Variants in CARMIL1 observed in about 807,000 individuals in gnomAD.
CARMIL1 encodes the protein F-actin-uncapping protein LRRC16A.
In CARMIL1, 90 loss-of-function variants were observed where a neutral mutation model predicts 177.1. The ratio of observed to expected loss-of-function variants is 0.51; its 90% CI spans 0.43 to 0.61. The LOEUF (loss-of-function observed/expected upper bound fraction) is 0.61. CARMIL1 is among the 20% of genes least tolerant of loss of function. The pLI is 0.00. For synonymous variants in CARMIL1, 577 were observed against 606.2 expected (o/e 0.95, Z 0.71); for missense variants, 1,380 against 1,667.0 (o/e 0.83, Z 3.00).
intron 9 of CARMIL1, among the ~76,000 whole-genome samples, chr6:25,466,892 T>A (rs1425038870): frequency 6.6e-6 from 1 of 152,086 alleles, no homozygotes; most frequent in Non-Finnish European, 1.5e-5. Context: ...GAAACCTGGA[T>A]TTCAGATTTT....
chr6:25,281,136 G>GCACACACACACACACA (rs1554148590), intron 1 of CARMIL1, among the ~76,000 whole-genome samples: 2 of 132,102 alleles, frequency 1.5e-5, no homozygotes, highest in African/African-American at 5.9e-5. Context: ...GTGCGCGCGC[G>GCACACACACACACACA]CACACACACA....
chr6:25,471,764 G>A (rs1473172013), intron 10 of CARMIL1, among the ~76,000 whole-genome samples: 1 of 152,076 alleles, frequency 6.6e-6, no homozygotes, highest in African/African-American at 2.4e-5. Flanking sequence ...GCTTTGATCA[G>A]TTTTAGTCAT....
At chr6:25,447,982 G>C (rs1357431926) in intron 5 of CARMIL1, among the ~76,000 whole-genome samples, 1 of 152,030 alleles carries the variant, frequency 6.6e-6, no homozygotes, top group Non-Finnish European at 1.5e-5. Flanking sequence ...CAAGCCAGCT[G>C]CCCACCTCTC....
At chr6:25,378,726 T>A (rs1348373989) in intron 2 of CARMIL1, among the ~76,000 whole-genome samples, 1 of 151,992 alleles carries the variant, frequency 6.6e-6, no homozygotes, top group Non-Finnish European at 1.5e-5. Context: ...TAGTTTATCC[T>A]CCTCTCACAC....
rs531246519 is a variant in CARMIL1, at chr6:25,307,206, G to A, written c.138+22297G>A. Among the ~76,000 whole-genome samples the A allele has an allele frequency of 3.3e-5, 5 of 152,334 alleles. No homozygotes were observed. In the South Asian group the frequency reaches 8.3e-4, roughly 25 times the overall value. On this transcript the variant is annotated intron_variant, in intron 2 of 36. Coordinates refer to ENST00000329474, the MANE Select transcript of CARMIL1 (RefSeq NM_017640.6). The stretch of plus-strand genomic sequence containing the variant: ...GCCCTGGTCCTTTTGAAACTGGGCA[G>A]TAATACCTGTGCTTGTAAGAGTGTT...
chr6:25,565,657 C>A (rs1454201365), intron 29 of CARMIL1, among the ~76,000 whole-genome samples: 1 of 152,084 alleles, frequency 6.6e-6, no homozygotes, highest in African/African-American at 2.4e-5. Flanking sequence ...CCATCCTGGT[C>A]AACATGGTGA....
intron 2 of CARMIL1, among the ~76,000 whole-genome samples, chr6:25,350,406 TAAATC>T (rs954826855): frequency 1.5e-4 from 23 of 152,174 alleles, no homozygotes; most frequent in Non-Finnish European, 3.2e-4. Context: ...CTTATTTTGA[TAAATC>T]AGATGACCTG....
intron 15 of CARMIL1, among the ~76,000 whole-genome samples, 193 bp from the exon 16 acceptor site, chr6:25,494,918 T>C (rs1273743281): frequency 6.6e-6 from 1 of 152,246 alleles, no homozygotes; most frequent in Non-Finnish European, 1.5e-5. Flanking sequence ...TAAATATTTC[T>C]TTACCTCACT....
intron 2 of CARMIL1, among the ~76,000 whole-genome samples, chr6:25,349,752 T>TG (rs1787921688): frequency 7.6e-6 from 1 of 132,034 alleles, no homozygotes; most frequent in Non-Finnish European, 1.6e-5. Flanking sequence ...TTTTTTGAGA[T>TG]GGAGTCTTGT....
At position 25,500,170 on chromosome 6, in the gene CARMIL1, C is replaced by G; in HGVS notation, c.1330C>G (p.Leu444Val). 6.2e-7 allele frequency: 1 copy of G among 1,613,834 alleles called. No individual in the cohort carries two copies. Among genetic ancestry groups the G allele is most frequent in the Non-Finnish European group, 8.5e-7 (1 of 1,179,802 alleles). The change falls in exon 17 of 37, where the codon CTG (leucine) becomes GTG (valine). Residue 444 changes from leucine (L) to valine (V), a missense_variant. By Grantham distance (32) the Leu-to-Val change is conservative. Transcript: ENST00000329474. Reference sequence around the variant, plus strand: ...ATGTGTGTTTCCTCCCCTCAGAGCACTGTTATTGGGCCTGGCTTGTAATCA... The same window carrying G: ...ATGTGTGTTTCCTCCCCTCAGAGCAGTGTTATTGGGCCTGGCTTGTAATCA... ...TKLSPEPLKA[L>V]LLGLACNHNL...
At chr6:25,422,630 A>G (rs1240170544) in intron 3 of CARMIL1, among the ~76,000 whole-genome samples, 3 of 152,232 alleles carry the variant, frequency 2.0e-5, no homozygotes, top group Non-Finnish European at 4.4e-5. Context: ...TATACGTTAA[A>G]ATACCTGAAG....
At chr6:25,324,098 A>T (rs1784888584) in intron 2 of CARMIL1, among the ~76,000 whole-genome samples, 1 of 152,250 alleles carries the variant, frequency 6.6e-6, no homozygotes, top group Non-Finnish European at 1.5e-5. Context: ...GGTAATCATG[A>T]ATTGTGGGAG....
intron 1 of CARMIL1, 85 bp downstream of exon 1, chr6:25,279,920 G>A (rs932950606): frequency 6.6e-7 from 1 of 1,510,850 alleles, no homozygotes; most frequent in East Asian, 2.3e-5. Flanking sequence ...CTTTCCCGCA[G>A]GTCTCGAGAA....
At chr6:25,478,132 C>T (rs1801749956) in intron 11 of CARMIL1, among the ~76,000 whole-genome samples, 1 of 152,152 alleles carries the variant, frequency 6.6e-6, no homozygotes, top group Admixed American at 6.5e-5. Flanking sequence ...AGAATCCTAG[C>T]TCTAGTGTTT....
intron 2 of CARMIL1, among the ~76,000 whole-genome samples, chr6:25,367,279 G>C (rs751290224): frequency 6.6e-6 from 1 of 152,118 alleles, no homozygotes; most frequent in African/African-American, 2.4e-5. Context: ...AGAATTCTGA[G>C]GGTATCCCTA....
In CARMIL1 at chr6:25,577,818, T is replaced by G. The variant is rs1282946651; in HGVS notation, c.2743-3106T>G. Among the ~76,000 whole-genome samples, 1 of 152,114 alleles carries G rather than the reference T, an allele frequency of 6.6e-6. No homozygotes were observed. Among genetic ancestry groups the G allele is most frequent in the Non-Finnish European group, 1.5e-5 (1 of 68,012 alleles). ...TCAGAGTAATGTAGGCATTGATGCT[T>G]TTGGATTCTCAGAAAATAGAGTTGT... is the stretch of plus-strand genomic sequence containing the variant. On this transcript the variant is annotated intron_variant, in intron 29 of 36. Transcript: ENST00000329474. This position sits in a 1 kb window ranked among gnomAD's most constrained non-coding sequence, Gnocchi z 4.5.
At chr6:25,362,991 C>T (rs1213593177) in intron 2 of CARMIL1, among the ~76,000 whole-genome samples, 4 of 152,042 alleles carry the variant, frequency 2.6e-5, no homozygotes, top group Admixed American at 2.0e-4. Context: ...GCCGAGATTG[C>T]ACCACTGCAC....
intron 2 of CARMIL1, among the ~76,000 whole-genome samples, chr6:25,376,903 A>G (rs1300072499): frequency 3.3e-5 from 5 of 152,164 alleles, no homozygotes; most frequent in African/African-American, 1.2e-4. Flanking sequence ...TTTCAAGGGA[A>G]AGGGAAGAAG....
chr6:25,284,981 T>C, intron 2 of CARMIL1, 72 bp downstream of exon 2: 1 of 914,536 alleles, frequency 1.1e-6, no homozygotes, highest in Non-Finnish European at 1.7e-6. Context: ...GATTGCTTAA[T>C]TTTCATGCAG....
Sources: allele counts gnomAD v4.1 joint callset (sites outside exome capture counted in the v4.1 genomes callset), GRCh38; gene constraint gnomAD v4.1.1; non-coding constraint Gnocchi (gnomAD v3.1); transcripts MANE v1.5; gene names NCBI Gene and HGNC (gene_info 2026-07-23, HGNC 2026-07-21).